RNF220: variants seen among roughly 807,000 people sequenced by gnomAD.
The protein encoded by RNF220 is ring finger protein 220.
Under a neutral mutation model 67.1 loss-of-function variants are expected in RNF220, and 7 were observed. The observed-to-expected ratio is 0.10, with a 90% confidence interval of 0.06 to 0.20. The LOEUF is 0.20. RNF220 is among the 10% of genes least tolerant of loss of function. The pLI is 1.00. For missense variants in RNF220, 565 were observed against 740.3 expected (o/e 0.76, Z 2.75); for synonymous variants, 270 against 283.2 (o/e 0.95, Z 0.47).
chr1:44,614,120 G>A, intron 2 of RNF220, 45 bp from the exon 3 acceptor site: 1 of 1,611,234 alleles, frequency 6.2e-7, no homozygotes, highest in Non-Finnish European at 8.5e-7. Context: ...CTGCCTCCTG[G>A]ACTAGCCCAG....
chr1:44,651,058 G>T lies in RNF220; in HGVS notation c.*283G>T. The T allele has an allele frequency of 8.6e-6, 4 of 464,672 alleles. No individual in the cohort carries two copies. The highest frequency in any genetic ancestry group is 8.0e-6 in the Non-Finnish European group (2 of 249,100). 28.8% of individuals were successfully genotyped at this position (464,672 alleles called of 1,614,324 possible). The stretch of plus-strand genomic sequence containing the variant: ...TGGGGCAGGGAGGTGGGGGTTGGGG[G>T]AGTAGTGGGGCACGGCTCCTAAGAT... On this transcript the variant is annotated 3_prime_UTR_variant, in exon 15 of 15. Coordinates refer to ENST00000361799, the MANE Select transcript of RNF220 (RefSeq NM_018150.4).
intron 2 of RNF220, among the ~76,000 whole-genome samples, chr1:44,435,464 G>A (rs1650868694): frequency 1.3e-5 from 2 of 152,196 alleles, no homozygotes. Context: ...AGGACATGAG[G>A]ATACCTTGAG....
intron 2 of RNF220, among the ~76,000 whole-genome samples, chr1:44,444,310 G>GT (rs996943444): frequency 3.1e-4 from 47 of 151,358 alleles, no homozygotes; most frequent in Admixed American, 1.2e-3. Flanking sequence ...GAGAGATCAT[G>GT]TTTTTTTTTG....
intron 1 of RNF220, among the ~76,000 whole-genome samples, chr1:44,406,091 A>T (rs898049258): frequency 6.6e-6 from 1 of 152,182 alleles, no homozygotes; most frequent in Non-Finnish European, 1.5e-5. Context: ...AGAAGGGGCG[A>T]GCCGAATGAG....
intron 2 of RNF220, among the ~76,000 whole-genome samples, chr1:44,436,997 G>A (rs1299071127): frequency 6.6e-6 from 1 of 152,226 alleles, no homozygotes; most frequent in East Asian, 1.9e-4. Flanking sequence ...AGTAAAAGGT[G>A]TAAATTAACT....
At chr1:44,590,772 C>A (rs534325272) in intron 2 of RNF220, among the ~76,000 whole-genome samples, 1 of 152,200 alleles carries the variant, frequency 6.6e-6, no homozygotes, top group South Asian at 2.1e-4. Context: ...TGTGCCAGGC[C>A]CTGTTAAAGA....
At chr1:44,610,629 C>T (rs1047593079) in intron 2 of RNF220, among the ~76,000 whole-genome samples, 3 of 152,190 alleles carry the variant, frequency 2.0e-5, no homozygotes, top group Non-Finnish European at 4.4e-5. Context: ...GAGGAACACT[C>T]GAGAGGATGC....
chr1:44,524,907 T>G (rs1251939661), intron 2 of RNF220, among the ~76,000 whole-genome samples: 1 of 152,134 alleles, frequency 6.6e-6, no homozygotes, highest in East Asian at 1.9e-4. Context: ...CTCGTTGAGC[T>G]TTTGAAATGC....
At chr1:44,549,123 G>T (rs1050763419) in intron 2 of RNF220, among the ~76,000 whole-genome samples, 2 of 152,146 alleles carry the variant, frequency 1.3e-5, no homozygotes, top group Admixed American at 1.3e-4. Flanking sequence ...GGAGATGGAG[G>T]CTGCAGTGAG....
At chr1:44,527,451 A>T (rs1479500170) in intron 2 of RNF220, among the ~76,000 whole-genome samples, 1 of 152,078 alleles carries the variant, frequency 6.6e-6, no homozygotes, top group Non-Finnish European at 1.5e-5. Flanking sequence ...CTTGCCTTGT[A>T]CCTTATATCA....
intron 2 of RNF220, among the ~76,000 whole-genome samples, chr1:44,464,456 C>T (rs529401763): frequency 2.2e-4 from 34 of 152,206 alleles, no homozygotes; most frequent in Middle Eastern, 3.4e-3. Flanking sequence ...GCATTATATC[C>T]GCTAACATTC....
chr1:44,461,595 C>CTTACTCCT (rs1293191542), intron 2 of RNF220, among the ~76,000 whole-genome samples: 8 of 152,072 alleles, frequency 5.3e-5, no homozygotes, highest in South Asian at 4.1e-4. Context: ...GTAGAGTTAA[C>CTTACTCCT]TTACTCCTGC....
intron 8 of RNF220, chr1:44,638,253 G>C (rs762574036): frequency 6.6e-6 from 1 of 152,298 alleles, no homozygotes; most frequent in South Asian, 2.1e-4. Flanking sequence ...GCTGCAAGCC[G>C]GGCAGCGCGT....
In RNF220 at chr1:44,636,179, C is replaced by T. The variant is rs778482210; in HGVS notation, c.1126+17C>T. The T allele has an allele frequency of 5.7e-6, 9 of 1,588,958 alleles. No individual in the cohort carries two copies. The highest frequency in any genetic ancestry group is 4.0e-5 in the African/African-American group (3 of 74,676). On this transcript the variant is annotated intron_variant, in intron 8 of 14. Transcript: ENST00000361799. Reference sequence around the variant, plus strand: ...GCTTCCGAGGTACAAGCAGCTGACACGTAGACATTGGCACTCTGGTGCCAG... The same window carrying T: ...GCTTCCGAGGTACAAGCAGCTGACATGTAGACATTGGCACTCTGGTGCCAG...
intron 2 of RNF220, among the ~76,000 whole-genome samples, chr1:44,421,493 A>G (rs1226580040): frequency 2.6e-5 from 4 of 152,020 alleles, no homozygotes; most frequent in Non-Finnish European, 5.9e-5. Flanking sequence ...TGTGTGTCAC[A>G]GTCCCACAGC....
At position 44,649,611 on chromosome 1, in the gene RNF220, A is replaced by T; in HGVS notation, c.1446-50A>T. 1 of 1,537,956 alleles carries T rather than the reference A, an allele frequency of 6.5e-7. No homozygotes were observed. The highest frequency in any genetic ancestry group is 9.0e-7 in the Non-Finnish European group (1 of 1,111,096). ...TTCAAGGGAGGCGTAGGCTGGAGGT[A>T]CAGATGAGAGATGCCAGCCTGCTAC... On this transcript the variant is annotated intron_variant, in intron 12 of 14. Coordinates refer to ENST00000361799, the MANE Select transcript of RNF220 (RefSeq NM_018150.4). The surrounding 1 kb of genome is among the most constrained non-coding windows in gnomAD (Gnocchi z 5.9).
chr1:44,556,794 T>C (rs1330344894), intron 2 of RNF220, among the ~76,000 whole-genome samples: 11 of 151,772 alleles, frequency 7.2e-5, no homozygotes, highest in African/African-American at 2.4e-4. Flanking sequence ...CTCCTGACCT[T>C]GTGATCCACC....
rs1055949101 is a variant in RNF220 at position 44,621,321 on chromosome 1, T to C, written c.759-1421T>C. 1.3e-5 allele frequency among the ~76,000 whole-genome samples: 2 copies of C among 152,196 alleles called. No homozygotes were observed. The highest frequency in any genetic ancestry group is 2.9e-5 in the Non-Finnish European group (2 of 68,026). On this transcript the variant is annotated intron_variant, in intron 3 of 14. Transcript: ENST00000361799. The surrounding 1 kb of genome is among the most constrained non-coding windows in gnomAD (Gnocchi z 4.8). ...GTGTGACTGGTTATATCTGTGCCTG[T>C]TGGCAGAATTATAGAAAGTCTATGG... is the stretch of plus-strand genomic sequence containing the variant.
chr1:44,479,905 T>TC (rs1290424884), intron 2 of RNF220, among the ~76,000 whole-genome samples: 1 of 152,206 alleles, frequency 6.6e-6, no homozygotes, highest in Non-Finnish European at 1.5e-5. Flanking sequence ...TAAGATCCCC[T>TC]CCTTCACCTT....
Sources: gnomAD v4.1 joint callset for allele counts (sites outside exome capture counted in the v4.1 genomes callset) on GRCh38, gnomAD v4.1.1 for gene constraint, Gnocchi (gnomAD v3.1) non-coding constraint, MANE v1.5 for transcripts, NCBI Gene and HGNC (gene_info 2026-07-23, HGNC 2026-07-21) for gene names.